Variants in CDADC1 observed in about 807,000 individuals in gnomAD.
The protein encoded by CDADC1 is cytidine and dCMP deaminase domain containing 1, also known as dCTP deaminase.
CDADC1 carries 39 observed loss-of-function variants against 54.9 expected under a neutral mutation model. That is an observed-to-expected ratio of 0.71 (90% confidence interval 0.55 to 0.93). The LOEUF (loss-of-function observed/expected upper bound fraction) is 0.93. CDADC1 is among the 40% of genes least tolerant of loss of function. The pLI, the probability that CDADC1 is intolerant of heterozygous loss-of-function variation, is 0.00. For missense variants in CDADC1, 518 were observed against 618.8 expected, an observed-to-expected ratio of 0.84 and a Z score of 1.73; for synonymous variants, 186 against 204.0, an observed-to-expected ratio of 0.91 and a Z score of 0.75.
chr13:49,256,757 T>C (rs1275029803), intron 3 of CDADC1, among the ~76,000 whole-genome samples: 1 of 152,228 alleles, frequency 6.6e-6, no homozygotes, highest in African/African-American at 2.4e-5. Flanking sequence ...ACCTTGATGA[T>C]TCCGATGTAT....
intron 3 of CDADC1, among the ~76,000 whole-genome samples, chr13:49,259,003 C>T (rs972231501): frequency 3.3e-5 from 5 of 152,190 alleles, no homozygotes; most frequent in African/African-American, 1.2e-4. Flanking sequence ...AAGCTTAATA[C>T]TAAATGGTAC....
intron 6 of CDADC1, among the ~76,000 whole-genome samples, chr13:49,278,074 T>C (rs1418218067): frequency 2.0e-5 from 3 of 152,174 alleles, no homozygotes; most frequent in African/African-American, 7.2e-5. Flanking sequence ...GTGAAATAAT[T>C]TGTTAGTTAA....
intron 4 of CDADC1, among the ~76,000 whole-genome samples, chr13:49,264,836 T>C (rs7320745): frequency 0.3 from 45,040 of 152,052 alleles, 6,791 homozygotes; most frequent in East Asian, 0.5. Flanking sequence ...AATAAGTCTT[T>C]TCAAGTTTAA....
At position 49,267,516 on chromosome 13, in the gene CDADC1, C is replaced by T; in HGVS notation, c.457C>T (p.Pro153Ser). Residue 153 changes from proline (P) to serine (S), a missense_variant, in exon 5 of 10, where the codon CCT (proline) becomes TCT (serine). Pro to Ser is a moderately conservative substitution (Grantham distance 74). Transcript: ENST00000251108. ...NAGVNRISYW[P>S]ADPEISLLTE... is the part of the protein sequence containing the mutation. Reference sequence around the variant, plus strand: ...TGGAGTTAACCGAATTTCATACTGGCCTGCTGATCCAGAAATAAGTTTGCT... The same window carrying T: ...TGGAGTTAACCGAATTTCATACTGGTCTGCTGATCCAGAAATAAGTTTGCT... The T allele has an allele frequency of 6.2e-7, 1 of 1,613,252 alleles. No individual in the cohort carries two copies. The highest frequency in any genetic ancestry group is 8.5e-7 in the Non-Finnish European group (1 of 1,179,540).
intron 4 of CDADC1, among the ~76,000 whole-genome samples, chr13:49,265,292 G>T (rs1201303291): frequency 1.3e-5 from 2 of 152,166 alleles, no homozygotes; most frequent in African/African-American, 4.8e-5. Context: ...CACAATAAAT[G>T]TGCAAAAATT....
intron 4 of CDADC1, among the ~76,000 whole-genome samples, chr13:49,261,861 A>G (rs1159317591): frequency 6.6e-6 from 1 of 152,200 alleles, no homozygotes; most frequent in Non-Finnish European, 1.5e-5. Flanking sequence ...TCATCCTGAC[A>G]AAAAAGATAA....
At chr13:49,257,275 A>T (rs992983314) in intron 3 of CDADC1, among the ~76,000 whole-genome samples, 2 of 152,244 alleles carry the variant, frequency 1.3e-5, no homozygotes, top group African/African-American at 4.8e-5. Context: ...ATAACAAATA[A>T]GTTGATGAGT....
intron 5 of CDADC1, among the ~76,000 whole-genome samples, chr13:49,269,065 TAGAC>T (rs368436386): frequency 2.4e-4 from 36 of 152,090 alleles, no homozygotes; most frequent in South Asian, 6.2e-4. Context: ...GGAAAAAACA[TAGAC>T]AGGAGGAGCA....
At chr13:49,265,745 C>A in intron 4 of CDADC1, 3 of 566,102 alleles carry the variant, frequency 5.3e-6, no homozygotes, top group East Asian at 9.3e-5. Context: ...TAAATAAAAG[C>A]TTTTTGGAGT....
Position 49,276,493 on chromosome 13 carries a change from A to G in CDADC1, c.1051-1857A>G, listed in dbSNP as rs529002557. On this transcript the variant is annotated intron_variant, in intron 6 of 9. Transcript: ENST00000251108. Reference sequence around the variant, plus strand: ...GGACTTCACAGAAAGTAATCTGACAATTTGCTTTGATGTTTCACAAACTCC... The same window carrying G: ...GGACTTCACAGAAAGTAATCTGACAGTTTGCTTTGATGTTTCACAAACTCC... Among the ~76,000 whole-genome samples, 25 of 152,222 alleles carry G rather than the reference A, an allele frequency of 1.6e-4. No individual in the cohort carries two copies. In the East Asian group the frequency reaches 4.4e-3, roughly 27 times the overall value.
chr13:49,289,165 G>A (rs1302548997), intron 9 of CDADC1, among the ~76,000 whole-genome samples: 3 of 107,802 alleles, frequency 2.8e-5, no homozygotes, highest in African/African-American at 3.7e-5. Context: ...GTCTCACTCT[G>A]TCGCCCAGTC....
chr13:49,270,172 C>G (rs1952928130), intron 5 of CDADC1, among the ~76,000 whole-genome samples: 1 of 152,138 alleles, frequency 6.6e-6, no homozygotes, highest in Admixed American at 6.5e-5. Context: ...TCCACAATCC[C>G]TTATGCAAAA....
At chr13:49,284,418 T>C (rs984121119) in intron 8 of CDADC1, among the ~76,000 whole-genome samples, 64 of 152,228 alleles carry the variant, frequency 4.2e-4, no homozygotes, top group Non-Finnish European at 1.5e-4. Context: ...AGGCCTAACT[T>C]ATTTAACCAT....
chr13:49,274,184 A>G (rs1349905070), intron 5 of CDADC1, 107 bp from the exon 6 acceptor site: 1 of 784,970 alleles, frequency 1.3e-6, no homozygotes, highest in Non-Finnish European at 2.1e-6. Flanking sequence ...TTGCTGCTAC[A>G]TTTATGAAGT....
intron 3 of CDADC1, among the ~76,000 whole-genome samples, chr13:49,256,829 G>T (rs1457034218): frequency 6.6e-6 from 1 of 152,050 alleles, no homozygotes; most frequent in African/African-American, 2.4e-5. Flanking sequence ...GAAATAATTT[G>T]TCTCAGAATA....
chr13:49,286,065 T>C (rs1953505545), intron 8 of CDADC1, among the ~76,000 whole-genome samples, 157 bp from the exon 9 acceptor site: 1 of 152,098 alleles, frequency 6.6e-6, no homozygotes, highest in South Asian at 2.1e-4. Flanking sequence ...CCACCTACCT[T>C]GGCCTCCCAA....
chr13:49,281,980 A>G (rs1318696038), intron 8 of CDADC1, among the ~76,000 whole-genome samples: 1 of 128,720 alleles, frequency 7.8e-6, no homozygotes, highest in Admixed American at 9.8e-5. Flanking sequence ...TGCCCAGCTA[A>G]TCTTTTGTAT....
intron 2 of CDADC1, among the ~76,000 whole-genome samples, chr13:49,251,724 G>C (rs1952438140): frequency 6.6e-6 from 1 of 152,112 alleles, no homozygotes; most frequent in Non-Finnish European, 1.5e-5. Context: ...TGAGAAAACT[G>C]AGATGAAGCT....
intron 6 of CDADC1, 78 bp from the exon 7 acceptor site, chr13:49,278,272 A>C (rs1218571439): frequency 3.7e-6 from 4 of 1,074,086 alleles, no homozygotes; most frequent in Non-Finnish European, 3.9e-6. Context: ...ACAAAGTATG[A>C]TAGCAAGCTT....
Sources: allele counts gnomAD v4.1 joint callset (sites outside exome capture counted in the v4.1 genomes callset), GRCh38; gene constraint gnomAD v4.1.1; transcripts MANE v1.5; gene names NCBI Gene and HGNC (gene_info 2026-07-23, HGNC 2026-07-21).